The following IGF2BP2 variants were observed in gnomAD, a reference collection of about 807,000 sequenced individuals.
The protein encoded by IGF2BP2 is insulin-like growth factor 2 mRNA-binding protein 2.
In IGF2BP2, 17 loss-of-function variants were observed where a neutral mutation model predicts 75.8. The observed-to-expected ratio is 0.22, with a 90% CI of 0.15 to 0.34. IGF2BP2 has a LOEUF of 0.34. Ranked by LOEUF, IGF2BP2 falls within the 10% of genes least tolerant of loss-of-function variation. The probability of loss-of-function intolerance (pLI) is 1.00; values close to 1 mark genes in which losing one functional copy is unlikely to be tolerated. For synonymous variants in IGF2BP2, 288 were observed against 295.6 expected, an observed-to-expected ratio of 0.97 and a Z score of 0.26; for missense variants, 516 against 772.4, an observed-to-expected ratio of 0.67 and a Z score of 3.93.
chr3:185,788,887 T>C (rs1736251672), intron 2 of IGF2BP2, among the ~76,000 whole-genome samples: 1 of 152,038 alleles, frequency 6.6e-6, no homozygotes, highest in Non-Finnish European at 1.5e-5. Flanking sequence ...AATTTTGGTA[T>C]TTTTAGTAGA....
Position 185,647,275 on chromosome 3 carries a change from A to G in IGF2BP2, c.1594-137T>C. On this transcript the variant is annotated intron_variant, in intron 14 of 15. Transcript: ENST00000382199. This position sits in a 1 kb window ranked among gnomAD's most constrained non-coding sequence, Gnocchi z 4.9. ...ACTCTGCTCTCCTTTCCTTTTATCA[A>G]GGACACCCCGGGGGCTCCTCTGCCC... The G allele has an allele frequency of 1.5e-6, 1 of 674,630 alleles. No individual in the cohort carries two copies. Among genetic ancestry groups the G allele is most frequent in the Non-Finnish European group, 2.7e-6 (1 of 374,322 alleles). 41.8% of individuals were successfully genotyped at this position (674,630 alleles called of 1,614,324 possible).
At chr3:185,716,817 CA>C in intron 2 of IGF2BP2, 1 of 517,566 alleles carries the variant, frequency 1.9e-6, no homozygotes, top group South Asian at 1.4e-5. Context: ...ACTGAGGGGC[CA>C]AAGAGAGGCT....
chr3:185,805,489 G>A (rs1211619854), intron 2 of IGF2BP2, among the ~76,000 whole-genome samples: 1 of 152,154 alleles, frequency 6.6e-6, no homozygotes, highest in Non-Finnish European at 1.5e-5. Context: ...TGTGAGACCT[G>A]AACCGGTCAC....
At chr3:185,657,241 G>C (rs1023035229) in intron 12 of IGF2BP2, 45 bp downstream of exon 12, 2 of 1,326,268 alleles carry the variant, frequency 1.5e-6, no homozygotes, top group Non-Finnish European at 2.2e-6. Context: ...CGTGGGATGA[G>C]AGGAGGTGGT....
chr3:185,770,495 T>C (rs1386921007), intron 2 of IGF2BP2, among the ~76,000 whole-genome samples: 3 of 152,248 alleles, frequency 2.0e-5, no homozygotes, highest in Non-Finnish European at 2.9e-5. Flanking sequence ...TATGACCCCA[T>C]AGGCCTTTAT....
intron 7 of IGF2BP2, among the ~76,000 whole-genome samples, chr3:185,685,863 C>T (rs959521129): frequency 6.6e-6 from 1 of 152,194 alleles, no homozygotes; most frequent in African/African-American, 2.4e-5. Context: ...AGCCTGGTCT[C>T]AAACTCCTAG....
At chr3:185,800,964 G>A (rs182552031) in intron 2 of IGF2BP2, among the ~76,000 whole-genome samples, 2 of 150,642 alleles carry the variant, frequency 1.3e-5, no homozygotes, top group Non-Finnish European at 3.0e-5. Context: ...CTAACCACCT[G>A]ACAAAGGTCT....
intron 2 of IGF2BP2, chr3:185,716,963 C>T (rs939250526): frequency 5.2e-6 from 2 of 388,244 alleles, no homozygotes; most frequent in Non-Finnish European, 1.0e-5. Flanking sequence ...TCTCATCCCA[C>T]CACCCAGTAC....
chr3:185,675,085 C>G, intron 9 of IGF2BP2: 2 of 251,246 alleles, frequency 8.0e-6, no homozygotes, highest in Non-Finnish European at 7.0e-6. Flanking sequence ...TTATTTCAGT[C>G]TTCAAAGTTA....
At chr3:185,692,908 C>G in intron 4 of IGF2BP2, 146 bp from the exon 5 acceptor site, 1 of 661,120 alleles carries the variant, frequency 1.5e-6, no homozygotes, top group Non-Finnish European at 2.7e-6. Flanking sequence ...GTTTATTCAT[C>G]TGAGTTCACA....
At chr3:185,775,797 C>G (rs762936537) in intron 2 of IGF2BP2, among the ~76,000 whole-genome samples, 1 of 152,152 alleles carries the variant, frequency 6.6e-6, no homozygotes, top group Non-Finnish European at 1.5e-5. Flanking sequence ...ATAATAAAAA[C>G]GCCAGTCCAA....
At chr3:185,662,674 C>G (rs1716661530) in intron 10 of IGF2BP2, among the ~76,000 whole-genome samples, 1 of 151,400 alleles carries the variant, frequency 6.6e-6, no homozygotes, top group Admixed American at 6.6e-5. Flanking sequence ...TCCTGAGAAG[C>G]TGGGATTACA....
At chr3:185,798,747 A>T (rs1158176286) in intron 2 of IGF2BP2, among the ~76,000 whole-genome samples, 5 of 151,948 alleles carry the variant, frequency 3.3e-5, no homozygotes, top group Admixed American at 3.3e-4. Flanking sequence ...TGTTCAAGAA[A>T]ACCCTGAGTA....
At chr3:185,692,627 A>G in intron 5 of IGF2BP2, 72 bp downstream of exon 5, 1 of 1,316,914 alleles carries the variant, frequency 7.6e-7, no homozygotes, top group Non-Finnish European at 1.1e-6. Context: ...AACATTTAAA[A>G]ACACAGAACT....
chr3:185,657,130 G>A (rs1286187066), intron 12 of IGF2BP2, among the ~76,000 whole-genome samples, 156 bp downstream of exon 12: 1 of 152,216 alleles, frequency 6.6e-6, no homozygotes, highest in African/African-American at 2.4e-5. Context: ...AAGGAAAGAT[G>A]AGAGCGGACG....
chr3:185,819,403 A>G (rs1385298962), intron 2 of IGF2BP2, among the ~76,000 whole-genome samples: 1 of 152,172 alleles, frequency 6.6e-6, no homozygotes, highest in Non-Finnish European at 1.5e-5. Context: ...ATTTAATTAA[A>G]TGATTTAAAA....
chr3:185,745,043 C>T (rs1174969709), intron 2 of IGF2BP2, among the ~76,000 whole-genome samples: 1 of 152,144 alleles, frequency 6.6e-6, no homozygotes, highest in Non-Finnish European at 1.5e-5. Context: ...GAGGCATGCC[C>T]TTGCTGCTGG....
chr3:185,756,666 C>T (rs948812483), intron 2 of IGF2BP2, among the ~76,000 whole-genome samples: 3 of 152,158 alleles, frequency 2.0e-5, no homozygotes, highest in African/African-American at 7.2e-5. Flanking sequence ...GATAATCTTT[C>T]TCTGCTGATC....
intron 2 of IGF2BP2, among the ~76,000 whole-genome samples, chr3:185,719,104 A>G (rs1726112098): frequency 6.6e-6 from 1 of 152,214 alleles, no homozygotes; most frequent in Non-Finnish European, 1.5e-5. Context: ...AAAATAGGGT[A>G]CATCTAATGG....
Sources: gnomAD v4.1 joint callset for allele counts (sites outside exome capture counted in the v4.1 genomes callset) on GRCh38, gnomAD v4.1.1 for gene constraint, Gnocchi (gnomAD v3.1) non-coding constraint, MANE v1.5 for transcripts, NCBI Gene and HGNC (gene_info 2026-07-23, HGNC 2026-07-21) for gene names.